TSHZ3: variants seen among roughly 807,000 people sequenced by gnomAD.
TSHZ3 encodes teashirt homolog 3.
In TSHZ3, 10 loss-of-function variants were observed where a neutral mutation model predicts 64.5. The ratio of observed to expected loss-of-function variants is 0.16; its 90% CI spans 0.10 to 0.26. TSHZ3 has a LOEUF of 0.26. Among genes scored for constraint, TSHZ3 ranks in the 10% least tolerant of loss-of-function variants. TSHZ3 has a pLI of 1.00. For synonymous variants in TSHZ3, 608 were observed against 593.1 expected (o/e 1.03, Z -0.36); for missense variants, 1,242 against 1,421.7 (o/e 0.87, Z 2.03).
chr19:31,267,434 A>AG (rs1350304522), intron 1 of TSHZ3, among the ~76,000 whole-genome samples: 1 of 151,922 alleles, frequency 6.6e-6, no homozygotes, highest in Non-Finnish European at 1.5e-5. Context: ...CTCATTCTCT[A>AG]GGAGTCTGGA....
chr19:31,329,886 T>G (rs915154036), intron 1 of TSHZ3, among the ~76,000 whole-genome samples: 3 of 152,178 alleles, frequency 2.0e-5, no homozygotes, highest in African/African-American at 7.2e-5. Context: ...AAGGATCACA[T>G]GCCAAAATTG....
intron 1 of TSHZ3, among the ~76,000 whole-genome samples, chr19:31,348,208 T>A (rs764265179): frequency 3.3e-5 from 5 of 152,114 alleles, no homozygotes; most frequent in Non-Finnish European, 7.3e-5. Context: ...GGCCTCACTA[T>A]TGCAAGTGAT....
At chr19:31,201,692 G>A (rs1389026518) in intron 5 of TSHZ3, among the ~76,000 whole-genome samples, 1 of 152,220 alleles carries the variant, frequency 6.6e-6, no homozygotes, top group East Asian at 1.9e-4. Context: ...TCATTCAACT[G>A]CTGGGTGGAA....
In TSHZ3 at chr19:31,276,376, T is replaced by A; in HGVS notation, c.*171A>T. On this transcript the variant is annotated 3_prime_UTR_variant, in exon 2 of 2. Transcript: ENST00000240587. ...TATTTTACCAGTAACAACAGCTGATTATGCACCTCTATTAAACACTGTACA... is the reference window on the plus strand; with the variant it reads ...TATTTTACCAGTAACAACAGCTGATAATGCACCTCTATTAAACACTGTACA... 1 of 537,992 alleles carries A rather than the reference T, an allele frequency of 1.9e-6. No individual in the cohort carries two copies. Among genetic ancestry groups the A allele is most frequent in the East Asian group, 3.0e-5 (1 of 33,184 alleles). 33.3% of individuals were successfully genotyped at this position (537,992 alleles called of 1,614,324 possible). A position where few individuals can be genotyped will look rare whatever the true frequency, so the allele number is the denominator to read the frequency against.
At chr19:31,159,469 A>C (rs1974345578) in intron 5 of TSHZ3, among the ~76,000 whole-genome samples, 1 of 152,198 alleles carries the variant, frequency 6.6e-6, no homozygotes, top group Admixed American at 6.5e-5. Flanking sequence ...TTTGGCTATC[A>C]CAATTGAGCT....
intron 5 of TSHZ3, among the ~76,000 whole-genome samples, chr19:31,185,157 C>T (rs1049561970): frequency 1.3e-5 from 2 of 151,990 alleles, no homozygotes. Context: ...AGCTCCAGCT[C>T]TCCCTTCCCT....
chr19:31,321,243 G>A (rs778748246), intron 1 of TSHZ3, among the ~76,000 whole-genome samples: 2 of 152,172 alleles, frequency 1.3e-5, no homozygotes, highest in Non-Finnish European at 2.9e-5. Flanking sequence ...CAAGGTGGAG[G>A]TGGGTAATGA....
chr19:31,341,319 C>T (rs766756705), intron 1 of TSHZ3, among the ~76,000 whole-genome samples: 3 of 152,130 alleles, frequency 2.0e-5, no homozygotes, highest in Non-Finnish European at 2.9e-5. Flanking sequence ...AAGTATTGCG[C>T]ACTTGGGGTC....
chr19:31,201,576 C>A (rs1224382673), intron 5 of TSHZ3, among the ~76,000 whole-genome samples: 1 of 152,146 alleles, frequency 6.6e-6, no homozygotes, highest in Non-Finnish European at 1.5e-5. Context: ...GTCTACGTGG[C>A]CATGGCATCA....
At chr19:31,252,013 G>A (rs1975850529) in intron 1 of TSHZ3, among the ~76,000 whole-genome samples, 1 of 152,222 alleles carries the variant, frequency 6.6e-6, no homozygotes, top group Non-Finnish European at 1.5e-5. Flanking sequence ...GCACCCCTGG[G>A]CACTGAGGCA....
chr19:31,168,173 A>G (rs1974482542), intron 5 of TSHZ3, among the ~76,000 whole-genome samples: 1 of 152,136 alleles, frequency 6.6e-6, no homozygotes, highest in African/African-American at 2.4e-5. Context: ...TTTTTGCTGC[A>G]GTAATTTTTA....
intron 5 of TSHZ3, among the ~76,000 whole-genome samples, chr19:31,156,878 C>T (rs900553099): frequency 3.9e-5 from 6 of 152,128 alleles, no homozygotes; most frequent in South Asian, 4.1e-4. Context: ...CAAAAAGTTA[C>T]GGCACTGAGA....
chr19:31,280,755 G>A (rs893181967), intron 1 of TSHZ3, among the ~76,000 whole-genome samples: 2 of 152,222 alleles, frequency 1.3e-5, no homozygotes, highest in African/African-American at 2.4e-5. Flanking sequence ...GCATTCCCAC[G>A]CAGGTGGAGG....
chr19:31,349,474 G>T (rs895532836), upstream of TSHZ3: 2 of 374,150 alleles, frequency 5.3e-6, no homozygotes, highest in Non-Finnish European at 9.4e-6. Flanking sequence ...GGAGGAGCAC[G>T]GGGGGGAGGA....
intron 1 of TSHZ3, among the ~76,000 whole-genome samples, chr19:31,254,829 A>T (rs750747964): frequency 2.0e-5 from 3 of 152,104 alleles, no homozygotes. Flanking sequence ...CCTCTTAGTC[A>T]TTCCCCGGGG....
chr19:31,227,395 G>A (rs914993011), intron 4 of TSHZ3, among the ~76,000 whole-genome samples: 1 of 152,106 alleles, frequency 6.6e-6, no homozygotes, highest in African/African-American at 2.4e-5. Flanking sequence ...AACAAATTTT[G>A]CTGACACAAT....
chr19:31,168,069 C>G (rs1379048234), intron 5 of TSHZ3, among the ~76,000 whole-genome samples: 1 of 152,020 alleles, frequency 6.6e-6, no homozygotes, highest in Non-Finnish European at 1.5e-5. Flanking sequence ...ATAATTAGAT[C>G]AGAGATAGAT....
chr19:31,171,319 G>A (rs969048863), intron 5 of TSHZ3, among the ~76,000 whole-genome samples: 2 of 152,142 alleles, frequency 1.3e-5, no homozygotes, highest in Non-Finnish European at 2.9e-5. Flanking sequence ...GAGACAATGA[G>A]TATTGCCAGG....
intron 1 of TSHZ3, among the ~76,000 whole-genome samples, chr19:31,262,208 C>T (rs1975989530): frequency 6.6e-6 from 1 of 152,138 alleles, no homozygotes; most frequent in South Asian, 2.1e-4. Context: ...ACCCGTGTTG[C>T]CAAATAACCC....
Sources: gnomAD v4.1 joint callset for allele counts (sites outside exome capture counted in the v4.1 genomes callset) on GRCh38, gnomAD v4.1.1 for gene constraint, MANE v1.5 for transcripts, NCBI Gene and HGNC (gene_info 2026-07-23, HGNC 2026-07-21) for gene names.